The following WASL variants were observed in gnomAD, a reference collection of about 807,000 sequenced individuals.
The protein encoded by WASL is actin nucleation-promoting factor WASL.
WASL carries 20 observed loss-of-function variants against 55.5 expected under a neutral mutation model. That is an observed-to-expected ratio of 0.36 (90% CI 0.25 to 0.52). The LOEUF is 0.52. Among genes scored for constraint, WASL ranks in the 20% least tolerant of loss-of-function variants. The probability of loss-of-function intolerance (pLI) is 0.92; values close to 1 mark genes in which losing one functional copy is unlikely to be tolerated. For synonymous variants in WASL, 249 were observed against 217.6 expected (o/e 1.14, Z -1.27); for missense variants, 504 against 622.5 (o/e 0.81, Z 2.03).
At position 123,682,460 on chromosome 7, in the gene WASL, T is replaced by C. The variant is rs1375582838; in HGVS notation, c.*2059A>G. 1 of 152,160 alleles carries C rather than the reference T, an allele frequency of 6.6e-6. No individual in the cohort carries two copies. Among genetic ancestry groups the C allele is most frequent in the African/African-American group, 2.4e-5 (1 of 41,440 alleles). The allele number at this position is 152,160 out of a possible 1,614,324, so 9.4% of individuals were successfully genotyped here. On this transcript the variant is annotated 3_prime_UTR_variant, in exon 11 of 11. Transcript: ENST00000223023. The stretch of plus-strand genomic sequence containing the variant: ...CCTTTGGCAAATTATATATCCATTT[T>C]ACATGTTTAAAATTGTGCTTTGAAC...
intron 10 of WASL, among the ~76,000 whole-genome samples, chr7:123,685,945 G>A (rs1465396972): frequency 6.7e-6 from 1 of 149,108 alleles, no homozygotes; most frequent in Non-Finnish European, 1.5e-5. Context: ...GTGGGACAGT[G>A]GCTGAGTAAT....
intron 1 of WASL, among the ~76,000 whole-genome samples, chr7:123,727,353 T>TCTCA (rs1554406247): frequency 2.0e-5 from 3 of 147,710 alleles, no homozygotes; most frequent in Non-Finnish European, 3.0e-5. Context: ...AAAATATGTG[T>TCTCA]CACACACACA....
At chr7:123,734,375 T>A (rs146134379) in intron 1 of WASL, among the ~76,000 whole-genome samples, 346 of 152,210 alleles carry the variant, frequency 2.3e-3, no homozygotes, top group Non-Finnish European at 3.5e-3. Flanking sequence ...AATAGTCATA[T>A]GAAAAGATGG....
intron 1 of WASL, among the ~76,000 whole-genome samples, chr7:123,737,548 T>G (rs1475326947): frequency 7.6e-6 from 1 of 131,766 alleles, no homozygotes; most frequent in Non-Finnish European, 1.5e-5. Flanking sequence ...TGAGCAGAGA[T>G]AGCGCCACTG....
chr7:123,716,820 A>T (rs1489803966), intron 1 of WASL, among the ~76,000 whole-genome samples: 1 of 152,206 alleles, frequency 6.6e-6, no homozygotes, highest in Non-Finnish European at 1.5e-5. Flanking sequence ...GCTAGAGCCA[A>T]ATAGCACTTA....
At position 123,747,425 on chromosome 7, in the gene WASL, A is replaced by C. The variant is rs995234172; in HGVS notation, c.117+1193T>G. Among the ~76,000 whole-genome samples the C allele has an allele frequency of 2.0e-5, 3 of 152,334 alleles. 1 individual carries two copies. The highest frequency in any genetic ancestry group is 4.4e-5 in the Non-Finnish European group (3 of 68,016). ...CATCTGAAATTGAATGGAACGATTC[A>C]ATCTCCAACCGGATGGCACAAGATA... On this transcript the variant is annotated intron_variant, in intron 1 of 10. Coordinates refer to ENST00000223023, the MANE Select transcript of WASL (RefSeq NM_003941.4).
intron 1 of WASL, among the ~76,000 whole-genome samples, chr7:123,721,534 AAAAC>A (rs996420102): frequency 3.3e-5 from 5 of 152,184 alleles, no homozygotes; most frequent in African/African-American, 1.2e-4. Context: ...TCCACCCCAA[AAAAC>A]AAACAAACGA....
At chr7:123,692,954 A>T in intron 8 of WASL, 87 bp from the exon 9 acceptor site, 1 of 1,304,428 alleles carries the variant, frequency 7.7e-7, no homozygotes, top group Admixed American at 3.0e-5. Context: ...ACATGTATAA[A>T]AATTGAATAA....
At chr7:123,691,558 G>A (rs539126150) in intron 9 of WASL, among the ~76,000 whole-genome samples, 2 of 152,252 alleles carry the variant, frequency 1.3e-5, no homozygotes, top group East Asian at 3.9e-4. Flanking sequence ...TATTGTCTGT[G>A]GTGCTTCTGC....
intron 1 of WASL, among the ~76,000 whole-genome samples, chr7:123,736,170 C>A (rs1209058054): frequency 2.6e-5 from 4 of 151,720 alleles, no homozygotes; most frequent in Non-Finnish European, 5.9e-5. Flanking sequence ...AATTTTATAC[C>A]CAGAGAAAAT....
intron 1 of WASL, among the ~76,000 whole-genome samples, chr7:123,725,677 G>A (rs762197779): frequency 6.6e-6 from 1 of 152,112 alleles, no homozygotes; most frequent in Non-Finnish European, 1.5e-5. Flanking sequence ...GTTCATACAT[G>A]AGGAAATTAA....
chr7:123,712,856 T>G (rs1228238353), intron 1 of WASL, among the ~76,000 whole-genome samples: 1 of 152,162 alleles, frequency 6.6e-6, no homozygotes, highest in East Asian at 1.9e-4. Context: ...ACCACAAACA[T>G]TCAGCACTTC....
At chr7:123,712,079 T>C (rs1034474271) in intron 1 of WASL, among the ~76,000 whole-genome samples, 2 of 152,140 alleles carry the variant, frequency 1.3e-5, no homozygotes, top group Non-Finnish European at 2.9e-5. Flanking sequence ...CTCTTTGAGG[T>C]TGACTCTGCA....
chr7:123,717,560 G>A (rs1405015277), intron 1 of WASL, among the ~76,000 whole-genome samples: 1 of 152,264 alleles, frequency 6.6e-6, no homozygotes. Flanking sequence ...GCTCCTGCTG[G>A]GTGTGACATA....
chr7:123,714,610 T>C (rs1021883489), intron 1 of WASL, among the ~76,000 whole-genome samples: 9 of 152,164 alleles, frequency 5.9e-5, no homozygotes, highest in African/African-American at 1.9e-4. Flanking sequence ...GCCAGACATA[T>C]TTGTTCACCA....
chr7:123,696,438 G>T, intron 6 of WASL, 141 bp downstream of exon 6: 11 of 574,916 alleles, frequency 1.9e-5, no homozygotes, highest in South Asian at 8.0e-5. Flanking sequence ...CTCCAATAAA[G>T]TACATAGTTA....
chr7:123,740,606 GTTT>G (rs1359145201), intron 1 of WASL, among the ~76,000 whole-genome samples: 7 of 149,534 alleles, frequency 4.7e-5, no homozygotes, highest in Admixed American at 4.6e-4. Context: ...TTTTTTTTTT[GTTT>G]TTAAGAGACC....
intron 1 of WASL, among the ~76,000 whole-genome samples, chr7:123,721,019 C>T (rs1392462078): frequency 1.3e-5 from 2 of 152,082 alleles, no homozygotes; most frequent in African/African-American, 2.4e-5. Context: ...TAAAAATAAA[C>T]ATTGCTGAAT....
At chr7:123,684,769 A>AT (rs1234421547) in intron 10 of WASL, among the ~76,000 whole-genome samples, 189 bp from the exon 11 acceptor site, 1 of 152,034 alleles carries the variant, frequency 6.6e-6, no homozygotes, top group African/African-American at 2.4e-5. Flanking sequence ...TAAACTAAAG[A>AT]TTAAAACAGG....
Sources: gnomAD v4.1 joint callset for allele counts (sites outside exome capture counted in the v4.1 genomes callset) on GRCh38, gnomAD v4.1.1 for gene constraint, MANE v1.5 for transcripts, NCBI Gene and HGNC (gene_info 2026-07-23, HGNC 2026-07-21) for gene names.